PPP1R12A: variants seen among roughly 807,000 people sequenced by gnomAD.
The protein encoded by PPP1R12A is protein phosphatase 1 regulatory subunit 12A.
In PPP1R12A, 19 loss-of-function variants were observed where a neutral mutation model predicts 139.6. The observed-to-expected ratio is 0.14, with a 90% confidence interval of 0.09 to 0.20. The LOEUF is 0.20. PPP1R12A is among the 10% of genes least tolerant of loss of function. The pLI is 1.00. For missense variants in PPP1R12A, 925 were observed against 1,211.5 expected (o/e 0.76, Z 3.51); for synonymous variants, 427 against 420.6 (o/e 1.02, Z -0.19).
Position 79,854,651 on chromosome 12 carries a change from T to C in PPP1R12A, c.369-9231A>G, listed in dbSNP as rs372027583. Among the ~76,000 whole-genome samples, 4 of 152,310 alleles carry C rather than the reference T, an allele frequency of 2.6e-5. No homozygotes were observed. The South Asian group carries it at 6.2e-4, about 24-fold the overall frequency. On this transcript the variant is annotated intron_variant, in intron 2 of 24. Coordinates refer to ENST00000450142, the MANE Select transcript of PPP1R12A (RefSeq NM_002480.3). Reference sequence around the variant, plus strand: ...TTCTCTCTATGACTCAGTCTCTTCATCTATAATTTTTATTTTTTTTTGACT... The same window carrying C: ...TTCTCTCTATGACTCAGTCTCTTCACCTATAATTTTTATTTTTTTTTGACT...
chr12:79,930,887 A>C (rs546937672), intron 1 of PPP1R12A, among the ~76,000 whole-genome samples: 2 of 152,362 alleles, frequency 1.3e-5, no homozygotes, highest in African/African-American at 4.8e-5. Context: ...GCTAGAAGAC[A>C]GACTGGATTA....
intron 2 of PPP1R12A, among the ~76,000 whole-genome samples, chr12:79,862,973 C>T (rs1881516242): frequency 6.6e-6 from 1 of 152,076 alleles, no homozygotes; most frequent in African/African-American, 2.4e-5. Flanking sequence ...GAGAACACCA[C>T]AAAGATACTC....
At chr12:79,830,842 T>C (rs1454095725) in intron 4 of PPP1R12A, among the ~76,000 whole-genome samples, 4 of 152,128 alleles carry the variant, frequency 2.6e-5, no homozygotes, top group Admixed American at 1.3e-4. Flanking sequence ...AGAACTTCAA[T>C]AGATATATGT....
At chr12:79,890,358 T>C (rs1372867076) in intron 1 of PPP1R12A, among the ~76,000 whole-genome samples, 1 of 152,154 alleles carries the variant, frequency 6.6e-6, no homozygotes, top group Non-Finnish European at 1.5e-5. Flanking sequence ...GACTTCCTCA[T>C]CTTCCCCAGT....
chr12:79,811,351 G>A (rs1166266180), intron 9 of PPP1R12A, among the ~76,000 whole-genome samples: 1 of 152,134 alleles, frequency 6.6e-6, no homozygotes, highest in Non-Finnish European at 1.5e-5. Flanking sequence ...GTGCACCAAA[G>A]TGCTCCAGAG....
At chr12:79,919,843 G>A (rs1221193796) in intron 1 of PPP1R12A, among the ~76,000 whole-genome samples, 1 of 152,104 alleles carries the variant, frequency 6.6e-6, no homozygotes, top group Non-Finnish European at 1.5e-5. Flanking sequence ...TCAATTTTTA[G>A]TAGTAAACAC....
At chr12:79,848,499 C>T (rs1879667325) in intron 2 of PPP1R12A, among the ~76,000 whole-genome samples, 3 of 151,994 alleles carry the variant, frequency 2.0e-5, no homozygotes, top group Admixed American at 2.0e-4. Context: ...CAAGGAAATA[C>T]CAGGTCAAAG....
intron 1 of PPP1R12A, among the ~76,000 whole-genome samples, chr12:79,911,363 C>T (rs528118953): frequency 1.5e-4 from 23 of 152,280 alleles, no homozygotes; most frequent in African/African-American, 5.5e-4. Flanking sequence ...AAACCAAATA[C>T]TGCATGTTCT....
At chr12:79,792,062 A>G (rs1029417741) in intron 19 of PPP1R12A, among the ~76,000 whole-genome samples, 1 of 152,206 alleles carries the variant, frequency 6.6e-6, no homozygotes, top group Admixed American at 6.5e-5. Context: ...TGTAAAGTTC[A>G]CATAATGGTA....
intron 1 of PPP1R12A, among the ~76,000 whole-genome samples, chr12:79,929,105 C>T (rs934376963): frequency 1.3e-5 from 2 of 152,190 alleles, no homozygotes; most frequent in African/African-American, 4.8e-5. Flanking sequence ...TTCTACCTCA[C>T]ATCATCATCA....
intron 1 of PPP1R12A, among the ~76,000 whole-genome samples, chr12:79,910,546 C>A (rs1304332980): frequency 8.1e-5 from 2 of 24,758 alleles, no homozygotes; most frequent in Non-Finnish European, 1.2e-4. Flanking sequence ...TGACTTTATT[C>A]TTAAAAAAAA....
At chr12:79,819,927 T>C (rs532335416) in intron 8 of PPP1R12A, among the ~76,000 whole-genome samples, 4 of 146,546 alleles carry the variant, frequency 2.7e-5, no homozygotes, top group South Asian at 2.1e-4. Context: ...TACTATACAA[T>C]AGCTAAAAAA....
At chr12:79,856,796 G>T (rs1457403891) in intron 2 of PPP1R12A, among the ~76,000 whole-genome samples, 1 of 152,178 alleles carries the variant, frequency 6.6e-6, no homozygotes, top group Non-Finnish European at 1.5e-5. Flanking sequence ...GGCATTAACA[G>T]GTAGAAAACA....
chr12:79,814,241 G>A (rs146296202), intron 9 of PPP1R12A, among the ~76,000 whole-genome samples: 2,059 of 152,152 alleles, frequency 0.014, 53 homozygotes, highest in African/African-American at 0.047. Context: ...ACCTTGGAAG[G>A]CTGAGGCGGG....
chr12:79,845,519 TA>T (rs1330958045), intron 2 of PPP1R12A, 99 bp from the exon 3 acceptor site: 3 of 814,732 alleles, frequency 3.7e-6, no homozygotes, highest in Non-Finnish European at 3.9e-6. Context: ...AAAGCAGCAA[TA>T]AAGGGCAGTA....
Position 79,806,246 on chromosome 12 carries a change from C to T in PPP1R12A, c.1743G>A (p.Gly581=). The change falls in exon 13 of 25, where the codon GGG becomes GGA. Residue 581 remains glycine, a synonymous_variant. Coordinates refer to ENST00000450142, the MANE Select transcript of PPP1R12A (RefSeq NM_002480.3). ...TGCTGGAAAGCAGGCTTTTCTGAAG[C>T]CCAGCTGCAGAGGTAACTGTTGGTG... The part of the protein sequence containing the change: ...TSTPTVTSAA[G]LQKSLLSSTS... 6.2e-7 allele frequency: 1 copy of T among 1,613,902 alleles called. No homozygotes were observed. Among genetic ancestry groups the T allele is most frequent in the Non-Finnish European group, 8.5e-7 (1 of 1,179,818 alleles).
At chr12:79,928,010 T>C (rs1238011678) in intron 1 of PPP1R12A, among the ~76,000 whole-genome samples, 1 of 152,250 alleles carries the variant, frequency 6.6e-6, no homozygotes, top group African/African-American at 2.4e-5. Context: ...TAACATGTTA[T>C]GGTAGTAACA....
chr12:79,784,116 C>T (rs747531362), intron 22 of PPP1R12A, among the ~76,000 whole-genome samples: 6 of 151,204 alleles, frequency 4.0e-5, no homozygotes, highest in Non-Finnish European at 7.4e-5. Context: ...AAATATCTGA[C>T]GCAAATATTT....
rs1869481784 is a variant in PPP1R12A, at chr12:79,773,815, C to T, written c.*2114G>A. 1 of 152,144 alleles carries T rather than the reference C, an allele frequency of 6.6e-6. No homozygotes were observed. The highest frequency in any genetic ancestry group is 2.4e-5 in the African/African-American group (1 of 41,446). The allele number at this position is 152,144 out of a possible 1,614,324, so 9.4% of individuals were successfully genotyped here. A position where few individuals can be genotyped will look rare whatever the true frequency, so the allele number is the denominator to read the frequency against. ...TTAAAATGTCTTCATTAAAAGTTCA[C>T]ACATTTAAAATAGTTTTATTCATTT... On this transcript the variant is annotated 3_prime_UTR_variant, in exon 25 of 25. Coordinates refer to ENST00000450142, the MANE Select transcript of PPP1R12A (RefSeq NM_002480.3).
Sources: allele counts gnomAD v4.1 joint callset (sites outside exome capture counted in the v4.1 genomes callset), GRCh38; gene constraint gnomAD v4.1.1; transcripts MANE v1.5; gene names NCBI Gene and HGNC (gene_info 2026-07-23, HGNC 2026-07-21).